The following GRID2 variants were observed in gnomAD, a reference collection of about 807,000 sequenced individuals.
GRID2 encodes glutamate receptor ionotropic, delta-2.
In GRID2, 33 loss-of-function variants were observed where a neutral mutation model predicts 114.8. The observed-to-expected ratio is 0.29, with a 90% CI of 0.22 to 0.38. GRID2 has a LOEUF of 0.38. Ranked by LOEUF, GRID2 falls within the 10% of genes least tolerant of loss-of-function variation. The pLI is 1.00. For synonymous variants in GRID2, 505 were observed against 449.9 expected (o/e 1.12, Z -1.55); for missense variants, 1,184 against 1,257.7 (o/e 0.94, Z 0.89).
intron 2 of GRID2, among the ~76,000 whole-genome samples, chr4:92,756,903 G>T (rs999726887): frequency 2.0e-5 from 3 of 151,902 alleles, no homozygotes; most frequent in Admixed American, 6.6e-5. Flanking sequence ...TCAACAGTTT[G>T]TCTCTTTATT....
chr4:92,941,973 AAT>A (rs1751179563), intron 2 of GRID2, among the ~76,000 whole-genome samples: 7 of 152,098 alleles, frequency 4.6e-5, no homozygotes, highest in African/African-American at 1.2e-4. Flanking sequence ...TTTGCTGAGG[AAT>A]GCTTTACTTC....
chr4:92,788,811 G>A lies in GRID2; in HGVS notation c.244+198525G>A, dbSNP rs116494922. Among the ~76,000 whole-genome samples, 1,473 of 151,642 alleles carry A rather than the reference G, an allele frequency of 9.7e-3. 26 individuals are homozygous for A. The highest frequency in any genetic ancestry group is 0.03 in the African/African-American group (1,258 of 41,466). On this transcript the variant is annotated intron_variant, in intron 2 of 15. Transcript: ENST00000282020. ...TGTAGCAGGTTTTTTCTCTTGAGATGTATTTTTATCTGATATTTTTAGTAT... is the reference window on the plus strand; with the variant it reads ...TGTAGCAGGTTTTTTCTCTTGAGATATATTTTTATCTGATATTTTTAGTAT...
intron 1 of GRID2, among the ~76,000 whole-genome samples, chr4:92,424,273 C>A (rs1415568478): frequency 1.3e-5 from 2 of 152,006 alleles, no homozygotes; most frequent in Admixed American, 1.3e-4. Flanking sequence ...TTCAAAGGAC[C>A]TGTACTTCTT....
intron 1 of GRID2, among the ~76,000 whole-genome samples, chr4:92,305,527 C>T (rs1725342835): frequency 6.6e-6 from 1 of 152,058 alleles, no homozygotes; most frequent in Non-Finnish European, 1.5e-5. Context: ...CGCCTTGCCT[C>T]GCCTCGCCTC....
chr4:93,312,155 G>T (rs1160943215), intron 8 of GRID2, among the ~76,000 whole-genome samples: 1 of 151,954 alleles, frequency 6.6e-6, no homozygotes, highest in Non-Finnish European at 1.5e-5. Flanking sequence ...ACTATAATCA[G>T]CAAACAGCAG....
intron 3 of GRID2, among the ~76,000 whole-genome samples, chr4:93,103,464 T>C (rs1490331360): frequency 6.6e-6 from 1 of 152,144 alleles, no homozygotes; most frequent in Admixed American, 6.5e-5. Context: ...GGGAAAGTAT[T>C]TATGTGTTTG....
intron 2 of GRID2, among the ~76,000 whole-genome samples, chr4:92,810,011 C>A (rs1360106658): frequency 6.6e-6 from 1 of 151,866 alleles, no homozygotes; most frequent in Non-Finnish European, 1.5e-5. Flanking sequence ...ACTGAGGGTT[C>A]TATTGATAAT....
rs1165683722 is a variant in GRID2, at chr4:93,704,753, A to G, written c.2361-64457A>G. Reference sequence around the variant, plus strand: ...TTTTTCACCTAACATAATGACCTTCAGTTCCATCCATGTTGTTTCAAATGA... The same window carrying G: ...TTTTTCACCTAACATAATGACCTTCGGTTCCATCCATGTTGTTTCAAATGA... On this transcript the variant is annotated intron_variant, in intron 14 of 15. Transcript: ENST00000282020. 3.9e-5 allele frequency among the ~76,000 whole-genome samples: 6 copies of G among 152,166 alleles called. No individual in the cohort carries two copies. The East Asian group carries it at 7.7e-4, about 20-fold the overall frequency.
At chr4:93,631,976 G>C (rs111986449) in intron 14 of GRID2, among the ~76,000 whole-genome samples, 16 of 152,240 alleles carry the variant, frequency 1.1e-4, no homozygotes, top group African/African-American at 3.6e-4. Context: ...GTGATGATGA[G>C]CATTTTTTCA....
At chr4:92,451,383 G>C (rs1252653165) in intron 1 of GRID2, among the ~76,000 whole-genome samples, 2 of 152,080 alleles carry the variant, frequency 1.3e-5, no homozygotes, top group Non-Finnish European at 2.9e-5. Context: ...AGACAGAATA[G>C]CTGAAGCCAA....
At chr4:92,621,676 T>C (rs1415401212) in intron 2 of GRID2, among the ~76,000 whole-genome samples, 1 of 151,678 alleles carries the variant, frequency 6.6e-6, no homozygotes, top group Non-Finnish European at 1.5e-5. Context: ...AATCCATAAA[T>C]TCCAGAGATA....
At chr4:93,326,128 G>A (rs557218029) in intron 8 of GRID2, among the ~76,000 whole-genome samples, 3 of 152,210 alleles carry the variant, frequency 2.0e-5, no homozygotes, top group South Asian at 2.1e-4. Context: ...GAGGAAATAG[G>A]AAATACTTTG....
At chr4:93,256,190 G>A (rs1196291530) in intron 8 of GRID2, among the ~76,000 whole-genome samples, 3 of 151,454 alleles carry the variant, frequency 2.0e-5, no homozygotes, top group Middle Eastern at 3.4e-3. Context: ...TAATATTCCC[G>A]TTCATTTTTT....
At chr4:92,393,127 AG>A (rs1730328715) in intron 1 of GRID2, among the ~76,000 whole-genome samples, 1 of 152,106 alleles carries the variant, frequency 6.6e-6, no homozygotes, top group Non-Finnish European at 1.5e-5. Context: ...TAGAGTGGTG[AG>A]GGCGTTGCCA....
At chr4:93,519,007 A>T (rs967888138) in intron 13 of GRID2, among the ~76,000 whole-genome samples, 2 of 152,176 alleles carry the variant, frequency 1.3e-5, no homozygotes, top group African/African-American at 4.8e-5. Context: ...GTGGACTAGC[A>T]GTGTCTGCAT....
chr4:92,724,439 A>AT (rs1313630265), intron 2 of GRID2, among the ~76,000 whole-genome samples: 1 of 152,176 alleles, frequency 6.6e-6, no homozygotes, highest in African/African-American at 2.4e-5. Context: ...ACTGAGTAAC[A>AT]TTTTAAAACT....
At chr4:92,889,440 A>G (rs1489413281) in intron 2 of GRID2, among the ~76,000 whole-genome samples, 2 of 152,204 alleles carry the variant, frequency 1.3e-5, no homozygotes, top group Admixed American at 1.3e-4. Flanking sequence ...ATCCAAAATC[A>G]ATGTGCAAAA....
intron 2 of GRID2, among the ~76,000 whole-genome samples, chr4:92,876,721 C>A (rs530319013): frequency 1.3e-5 from 2 of 152,294 alleles, no homozygotes; most frequent in Admixed American, 1.3e-4. Flanking sequence ...GATTCTGATT[C>A]ATTAGTTTTT....
chr4:92,653,295 G>A (rs79085070), intron 2 of GRID2, among the ~76,000 whole-genome samples: 2 of 145,808 alleles, frequency 1.4e-5, no homozygotes, highest in Admixed American at 1.4e-4. Flanking sequence ...CATCGCGCCT[G>A]GCCAAAATTA....
Sources: gnomAD v4.1 joint callset for allele counts (sites outside exome capture counted in the v4.1 genomes callset) on GRCh38, gnomAD v4.1.1 for gene constraint, MANE v1.5 for transcripts, NCBI Gene and HGNC (gene_info 2026-07-23, HGNC 2026-07-21) for gene names.